The following YEATS2 variants were observed in gnomAD, a reference collection of about 807,000 sequenced individuals.
YEATS2 encodes the protein YEATS domain-containing protein 2.
In YEATS2, 77 loss-of-function variants were observed where a neutral mutation model predicts 163.2. That is an observed-to-expected ratio of 0.47 (90% CI 0.39 to 0.57). The LOEUF is 0.57. Among genes scored for constraint, YEATS2 ranks in the 20% least tolerant of loss-of-function variants. YEATS2 has a pLI of 0.00. For missense variants in YEATS2, 1,549 were observed against 1,729.8 expected, an observed-to-expected ratio of 0.90 and a Z score of 1.85; for synonymous variants, 631 against 645.1, an observed-to-expected ratio of 0.98 and a Z score of 0.33.
chr3:183,725,961 T>C (rs1717049889), intron 6 of YEATS2, among the ~76,000 whole-genome samples: 2 of 152,222 alleles, frequency 1.3e-5, no homozygotes, highest in East Asian at 3.8e-4. Context: ...GAGGTTTGTA[T>C]CTAACAAGTC....
rs1726892053 is a variant in YEATS2, at chr3:183,812,505, T to C, written c.*1922T>C. On this transcript the variant is annotated 3_prime_UTR_variant, in exon 31 of 31. Transcript: ENST00000305135. The stretch of plus-strand genomic sequence containing the variant: ...TATCACAGCCTAAAGAAATTATCTT[T>C]TTGCAAAAGAAATATTAAATGATTT... 1 of 152,638 alleles carries C rather than the reference T, an allele frequency of 6.6e-6. No homozygotes were observed. The highest frequency in any genetic ancestry group is 2.4e-5 in the African/African-American group (1 of 41,460). 9.5% of individuals were successfully genotyped at this position (152,638 alleles called of 1,614,324 possible). A position where few individuals can be genotyped will look rare whatever the true frequency, so the allele number is the denominator to read the frequency against.
At position 183,812,198 on chromosome 3, in the gene YEATS2, TGCACTCCAGCCCTGGTGACA is replaced by T. The variant is rs970334235; in HGVS notation, c.*1617_*1636del. On this transcript the variant is annotated 3_prime_UTR_variant, in exon 31 of 31. Coordinates refer to ENST00000305135, the MANE Select transcript of YEATS2 (RefSeq NM_018023.5). Reference sequence around the variant, plus strand: ...TTGCAGTGTGCCAAGATCATACCACTGCACTCCAGCCCTGGTGACAGAGGAGACCCCGTCTCAAAAATTGA... The same window carrying T: ...TTGCAGTGTGCCAAGATCATACCACTGAGGAGACCCCGTCTCAAAAATTGA... 1 of 152,212 alleles carries T rather than the reference TGCACTCCAGCCCTGGTGACA, an allele frequency of 6.6e-6. No homozygotes were observed. Among genetic ancestry groups the T allele is most frequent in the Non-Finnish European group, 1.5e-5 (1 of 68,058 alleles). 9.4% of individuals were successfully genotyped at this position (152,212 alleles called of 1,614,324 possible).
At chr3:183,764,265 G>A (rs1721668930) in intron 15 of YEATS2, among the ~76,000 whole-genome samples, 1 of 151,510 alleles carries the variant, frequency 6.6e-6, no homozygotes, top group African/African-American at 2.4e-5. Flanking sequence ...CAACTAGTCA[G>A]GAGGCTGAGG....
intron 28 of YEATS2, 55 bp downstream of exon 28, chr3:183,807,147 T>C: frequency 6.6e-7 from 1 of 1,505,520 alleles, no homozygotes; most frequent in Non-Finnish European, 9.1e-7. Context: ...AGCTAGATGT[T>C]CAGACGTTCA....
intron 29 of YEATS2, 80 bp downstream of exon 29, chr3:183,808,184 G>A: frequency 8.7e-7 from 1 of 1,150,060 alleles, no homozygotes; most frequent in South Asian, 1.4e-5. Flanking sequence ...GGACAGAAAA[G>A]GAACAAAGAT....
At chr3:183,739,044 C>T (rs1313278169) in intron 8 of YEATS2, among the ~76,000 whole-genome samples, 1 of 146,710 alleles carries the variant, frequency 6.8e-6, no homozygotes, top group Non-Finnish European at 1.5e-5. Context: ...TCCTATTTCT[C>T]CACATCCTCT....
At chr3:183,795,671 A>C (rs951494655) in intron 21 of YEATS2, among the ~76,000 whole-genome samples, 1 of 152,008 alleles carries the variant, frequency 6.6e-6, no homozygotes, top group African/African-American at 2.4e-5. Context: ...AGTGGCTACC[A>C]GTAGGGAACT....
chr3:183,771,609 G>T, intron 15 of YEATS2, among the ~76,000 whole-genome samples: 1 of 141,456 alleles, frequency 7.1e-6, no homozygotes, highest in Non-Finnish European at 1.5e-5. Context: ...GGAGGGCAGT[G>T]GTGTGATCAC....
rs769469597 is a variant in YEATS2 at position 183,715,253 on chromosome 3, G to A, written c.91G>A (p.Glu31Lys). 29 of 1,610,550 alleles carry A rather than the reference G, an allele frequency of 1.8e-5. No individual in the cohort carries two copies. In the South Asian group the frequency reaches 3.2e-4, roughly 18 times the overall value. ...TCCAAATAAGCGGCATAAAGCAATT[G>A]AGAATTCAGGTAGAAATCCTGCCTT... ...ALPNKRHKAIENSARDAAVQK... is the reference protein window; with the variant it reads ...ALPNKRHKAIKNSARDAAVQK... The change falls in exon 2 of 31, where the codon GAG becomes AAG. Residue 31 changes from glutamate to lysine, a missense_variant. Coordinates refer to ENST00000305135, the MANE Select transcript of YEATS2 (RefSeq NM_018023.5).
chr3:183,796,380 T>C (rs1339633568), intron 21 of YEATS2, among the ~76,000 whole-genome samples: 1 of 151,598 alleles, frequency 6.6e-6, no homozygotes, highest in Non-Finnish European at 1.5e-5. Context: ...TTTTTGATTT[T>C]TTAAATGGCC....
At chr3:183,701,376 C>A in intron 1 of YEATS2, among the ~76,000 whole-genome samples, 1 of 148,476 alleles carries the variant, frequency 6.7e-6, no homozygotes, top group African/African-American at 2.5e-5. Context: ...TGAGCCACCG[C>A]GCCCGGCCGG....
chr3:183,784,956 G>A lies in YEATS2; in HGVS notation c.2737-1169G>A, dbSNP rs1241074620. 2.6e-5 allele frequency among the ~76,000 whole-genome samples: 4 copies of A among 151,780 alleles called. 1 individual carries two copies. The highest frequency in any genetic ancestry group is 5.9e-5 in the Non-Finnish European group (4 of 67,982). On this transcript the variant is annotated intron_variant, in intron 19 of 30. Coordinates refer to ENST00000305135, the MANE Select transcript of YEATS2 (RefSeq NM_018023.5). ...GGCATGGTGGCGCATACCTGTAATC[G>A]CAGCTACTCGGGAGGCTGAGGCAGG...
intron 29 of YEATS2, 21 bp downstream of exon 29, chr3:183,808,125 C>T (rs1304253266): frequency 3.2e-6 from 5 of 1,547,688 alleles, no homozygotes; most frequent in Non-Finnish European, 4.4e-6. Context: ...GCAGGGGCCG[C>T]CAGCCAGGAA....
intron 2 of YEATS2, among the ~76,000 whole-genome samples, chr3:183,716,851 C>T (rs1406633672): frequency 1.3e-5 from 2 of 151,518 alleles, no homozygotes; most frequent in East Asian, 1.9e-4. Context: ...CAGAATTTTT[C>T]TCAAAGTAGA....
intron 1 of YEATS2, 137 bp downstream of exon 1, chr3:183,698,130 G>C (rs1713671341): frequency 6.6e-6 from 1 of 151,974 alleles, no homozygotes; most frequent in Admixed American, 6.5e-5. Context: ...GACCCGGTGA[G>C]GCCCCGGGGC....
chr3:183,755,490 A>G (rs1720632094), intron 11 of YEATS2, among the ~76,000 whole-genome samples: 2 of 152,176 alleles, frequency 1.3e-5, no homozygotes, highest in South Asian at 4.1e-4. Context: ...TAGGCTGAAC[A>G]TATAAATTGA....
chr3:183,752,449 C>T (rs1393960318), intron 10 of YEATS2, among the ~76,000 whole-genome samples, 196 bp downstream of exon 10: 1 of 152,114 alleles, frequency 6.6e-6, no homozygotes, highest in Non-Finnish European at 1.5e-5. Flanking sequence ...GTGGTTCACA[C>T]CTGTAATCCC....
Position 183,806,902 on chromosome 3 carries a change from G to A in YEATS2, c.3821G>A (p.Cys1274Tyr). 1 of 1,613,972 alleles carries A rather than the reference G, an allele frequency of 6.2e-7. No individual in the cohort carries two copies. The highest frequency in any genetic ancestry group is 8.5e-7 in the Non-Finnish European group (1 of 1,179,948). Reference protein sequence around the residue: ...PSSFSSADNLCRKLEDLQQFQ... With the variant: ...PSSFSSADNLYRKLEDLQQFQ... Reference sequence around the variant, plus strand: ...TCATTCTCCTCTGCTGACAACCTCTGCCGCAAACTGGAGGACCTGCAACAG... The same window carrying A: ...TCATTCTCCTCTGCTGACAACCTCTACCGCAAACTGGAGGACCTGCAACAG... Residue 1274 changes from cysteine (C) to tyrosine (Y), a missense_variant, in exon 28 of 31, where the codon TGC becomes TAC. Transcript: ENST00000305135.
chr3:183,701,125 A>G (rs1714045911), intron 1 of YEATS2, among the ~76,000 whole-genome samples: 1 of 149,934 alleles, frequency 6.7e-6, no homozygotes, highest in Non-Finnish European at 1.5e-5. Context: ...TCTGTCGCCC[A>G]GGCTGGAGTG....
Sources: gnomAD v4.1 joint callset for allele counts (sites outside exome capture counted in the v4.1 genomes callset) on GRCh38, gnomAD v4.1.1 for gene constraint, MANE v1.5 for transcripts, NCBI Gene and HGNC (gene_info 2026-07-23, HGNC 2026-07-21) for gene names.